Variants in CROCC2 observed in about 807,000 individuals in gnomAD.
CROCC2 encodes the protein ciliary rootlet coiled-coil protein 2.
CROCC2 carries 163 observed loss-of-function variants against 177.6 expected under a neutral mutation model. The ratio of observed to expected loss-of-function variants is 0.92; its 90% CI spans 0.81 to 1.05. The LOEUF is 1.05. CROCC2 is among the 50% of genes least tolerant of loss of function. CROCC2 has a pLI of 0.00. For missense variants in CROCC2, 1,929 were observed against 1,797.8 expected (o/e 1.07, Z -1.32); for synonymous variants, 904 against 787.3 (o/e 1.15, Z -2.48).
In CROCC2 at chr2:240,935,081, G is replaced by A; in HGVS notation, c.1938+19G>A. The A allele has an allele frequency of 1.5e-6, 2 of 1,333,686 alleles. No individual in the cohort carries two copies. The highest frequency in any genetic ancestry group is 1.9e-6 in the Non-Finnish European group (2 of 1,034,664). 82.6% of individuals were successfully genotyped at this position (1,333,686 alleles called of 1,614,324 possible). On this transcript the variant is annotated intron_variant, in intron 13 of 31. Transcript: ENST00000690015. ...TCTCCAGGTGAGACAAGGGCCAGTG[G>A]GGCGGGCCTCGCTGGAACCTGTTTC...
At position 240,968,178 on chromosome 2, in the gene CROCC2, C is replaced by A. The variant is rs2059696863; in HGVS notation, c.4317C>A (p.Ala1439=). The A allele has an allele frequency of 6.5e-7, 1 of 1,530,980 alleles. No individual in the cohort carries two copies. Among genetic ancestry groups the A allele is most frequent in the Non-Finnish European group, 8.7e-7 (1 of 1,143,642 alleles). 94.8% of individuals were successfully genotyped at this position (1,530,980 alleles called of 1,614,324 possible). The change falls in exon 27 of 32, where the codon GCC becomes GCA. Residue 1439 remains alanine (A), a synonymous_variant. Transcript: ENST00000690015. ...GALSSARAAR[A]LQKEALRRLE... The stretch of plus-strand genomic sequence containing the variant: ...TGAGCAGCGCCCGGGCAGCACGTGC[C>A]CTGCAGAAGGAGGCGCTCCGCAGGC...
In CROCC2 at chr2:240,988,881, C is replaced by A; in HGVS notation, c.4683+11C>A. 6.9e-7 allele frequency: 1 copy of A among 1,458,688 alleles called. No homozygotes were observed. The highest frequency in any genetic ancestry group is 2.7e-5 in the East Asian group (1 of 37,704). The allele number at this position is 1,458,688 out of a possible 1,614,324, so 90.4% of individuals were successfully genotyped here. A position where few individuals can be genotyped will look rare whatever the true frequency, so the allele number is the denominator to read the frequency against. On this transcript the variant is annotated intron_variant, in intron 29 of 31. Coordinates refer to ENST00000690015, the MANE Select transcript of CROCC2 (RefSeq NM_001351305.2). ...AATCAGCAGCTGCAGGTCAACTGGG[C>A]CAGTGGAGCTCTGCATACCCCAGGC...
chr2:240,971,786 G>T (rs2059722645), intron 27 of CROCC2, among the ~76,000 whole-genome samples: 1 of 151,920 alleles, frequency 6.6e-6, no homozygotes, highest in Non-Finnish European at 1.5e-5. Flanking sequence ...CTGATCCCCT[G>T]GACCTGTCCT....
chr2:240,984,239 C>T (rs1186938825), intron 28 of CROCC2, among the ~76,000 whole-genome samples: 1 of 152,130 alleles, frequency 6.6e-6, no homozygotes, highest in Non-Finnish European at 1.5e-5. Context: ...GGTGGGTGAT[C>T]CAGTGGTCCT....
chr2:240,934,595 G>C, intron 12 of CROCC2, 120 bp downstream of exon 12: 1 of 1,082,420 alleles, frequency 9.2e-7, no homozygotes, highest in East Asian at 2.8e-5. Context: ...CCCATCACCA[G>C]AGATCCCAAA....
chr2:240,993,069 C>T lies in CROCC2; in HGVS notation c.4950C>T (p.Ala1650=), dbSNP rs1015333862. 1.4e-6 allele frequency: 1 copy of T among 717,108 alleles called. No homozygotes were observed. Among genetic ancestry groups the T allele is most frequent in the Non-Finnish European group, 2.6e-6 (1 of 384,916 alleles). 44.4% of individuals were successfully genotyped at this position (717,108 alleles called of 1,614,324 possible). The change falls in exon 32 of 32, where the codon GCC becomes GCT. Residue 1650 remains alanine, a synonymous_variant. Coordinates refer to ENST00000690015, the MANE Select transcript of CROCC2 (RefSeq NM_001351305.2). The part of the protein sequence containing the change: ...HLGQAFQTGH[A]QRD ...CTCCCTCTTTGCATCCCTGCAGCGC[C>T]CAAAGGGACTGAAGCTCCCAGCACA...
intron 1 of CROCC2, among the ~76,000 whole-genome samples, chr2:240,915,508 T>A (rs2106451087): frequency 6.6e-6 from 1 of 152,298 alleles, no homozygotes; most frequent in Middle Eastern, 3.4e-3. Flanking sequence ...ATTTCACAGA[T>A]GGGGACATGA....
chr2:240,910,243 TG>T (rs1414895046), intron 1 of CROCC2, among the ~76,000 whole-genome samples: 1 of 151,674 alleles, frequency 6.6e-6, no homozygotes. Context: ...CCTTGAGGGG[TG>T]GGGGTGTGCC....
rs566464340 is a variant in CROCC2, at chr2:240,991,394, G to A, written c.4946+116G>A. On this transcript the variant is annotated intron_variant, in intron 31 of 31. Coordinates refer to ENST00000690015, the MANE Select transcript of CROCC2 (RefSeq NM_001351305.2). ...CTAGGCTGCTGGGGGAACCACTGTTGGGAAAACCAATGCCTTGTGCTCTGC... is the reference window on the plus strand; with the variant it reads ...CTAGGCTGCTGGGGGAACCACTGTTAGGAAAACCAATGCCTTGTGCTCTGC... 3,614 of 873,540 alleles carry A rather than the reference G, an allele frequency of 4.1e-3. 16 individuals are homozygous for A. Among genetic ancestry groups the A allele is most frequent in the Non-Finnish European group, 5.2e-3 (3,083 of 588,204 alleles). 54.1% of individuals were successfully genotyped at this position (873,540 alleles called of 1,614,324 possible).
intron 15 of CROCC2, among the ~76,000 whole-genome samples, chr2:240,947,303 G>A (rs1023986368): frequency 1.3e-5 from 2 of 152,338 alleles, no homozygotes; most frequent in Admixed American, 6.5e-5. Context: ...GGGCTCCAAG[G>A]ACCGGGGTGG....
In CROCC2 at chr2:240,935,539, C is replaced by T. The variant is rs761142473; in HGVS notation, c.2120C>T (p.Ala707Val). 67 of 1,347,604 alleles carry T rather than the reference C, an allele frequency of 5.0e-5. No individual in the cohort carries two copies. The South Asian group carries it at 1.2e-3, about 23-fold the overall frequency. The allele number at this position is 1,347,604 out of a possible 1,614,324, so 83.5% of individuals were successfully genotyped here. Reference protein sequence around the residue: ...EQRQEQLEGQAALLGREKAQL... With the variant: ...EQRQEQLEGQVALLGREKAQL... ...CGGCAGGAGCAGCTGGAGGGGCAGG[C>T]AGCCCTGCTGGGGCGAGAGAAGGCC... Residue 707 changes from alanine to valine, a missense_variant, in exon 14 of 32, where the codon GCA becomes GTA. Physicochemically the swap from Ala to Val is moderately conservative, Grantham distance 64. This residue lies in a region of CROCC2 where 1,397 missense variants were observed against 1,239.9 expected (regional missense o/e 1.13). Transcript: ENST00000690015.
chr2:240,932,963 C>G (rs1226948461), intron 9 of CROCC2, 55 bp downstream of exon 9: 1 of 1,530,738 alleles, frequency 6.5e-7, no homozygotes, highest in Admixed American at 2.0e-5. Context: ...GAAACATGAG[C>G]CCCTCAGGCT....
chr2:240,970,312 A>G (rs538930129), intron 27 of CROCC2, among the ~76,000 whole-genome samples: 3 of 152,248 alleles, frequency 2.0e-5, no homozygotes, highest in East Asian at 1.9e-4. Context: ...TTGTGGTTTC[A>G]GCCTTCATTT....
At chr2:240,961,296 CAG>C (rs1475701028) in intron 20 of CROCC2, among the ~76,000 whole-genome samples, 7 of 152,138 alleles carry the variant, frequency 4.6e-5, no homozygotes, top group African/African-American at 1.7e-4. Flanking sequence ...ACTTGACACT[CAG>C]AGTGGTGTGT....
In CROCC2 at chr2:240,960,070, A is replaced by C. The variant is rs940783853; in HGVS notation, c.3087+626A>C. Among the ~76,000 whole-genome samples the C allele has an allele frequency of 5.3e-5, 8 of 152,306 alleles. No homozygotes were observed. The highest frequency in any genetic ancestry group is 8.8e-5 in the Non-Finnish European group (6 of 68,028). On this transcript the variant is annotated intron_variant, in intron 20 of 31. Coordinates refer to ENST00000690015, the MANE Select transcript of CROCC2 (RefSeq NM_001351305.2). The surrounding 1 kb of genome is among the most constrained non-coding windows in gnomAD (Gnocchi z 5.0). ...AGAAAGTGGAGTCAGGAAGGGCCTG[A>C]CTCTGGAGGCACTGGGGCAGCTGTC...
chr2:240,913,624 G>T (rs967533477), intron 1 of CROCC2, among the ~76,000 whole-genome samples: 2 of 152,256 alleles, frequency 1.3e-5, no homozygotes, highest in Admixed American at 6.5e-5. Flanking sequence ...CCTGCCTGCA[G>T]GGGTGGCCTA....
chr2:240,969,646 T>A (rs1198285882), intron 27 of CROCC2, among the ~76,000 whole-genome samples: 2 of 152,258 alleles, frequency 1.3e-5, no homozygotes, highest in Non-Finnish European at 2.9e-5. Flanking sequence ...TTTCATTTTA[T>A]GTGTATAGTC....
intron 22 of CROCC2, among the ~76,000 whole-genome samples, chr2:240,965,047 C>T (rs2106479921): frequency 6.6e-6 from 1 of 152,330 alleles, no homozygotes; most frequent in South Asian, 2.1e-4. Flanking sequence ...CAAGGCCTGG[C>T]TCCCTCCTGT....
At position 240,993,257 on chromosome 2, in the gene CROCC2, A is replaced by G. The variant is rs1025240282; in HGVS notation, c.*176A>G. ...CTGGCTGCTCATGGGGAACATTTGA[A>G]ATGCATGTGGGGGCCTCCGAATTTT... On this transcript the variant is annotated 3_prime_UTR_variant, in exon 32 of 32. Coordinates refer to ENST00000690015, the MANE Select transcript of CROCC2 (RefSeq NM_001351305.2). 1.8e-6 allele frequency: 1 copy of G among 553,658 alleles called. No individual in the cohort carries two copies. Among genetic ancestry groups the G allele is most frequent in the Non-Finnish European group, 3.3e-6 (1 of 303,348 alleles). 34.3% of individuals were successfully genotyped at this position (553,658 alleles called of 1,614,324 possible).
Sources: gnomAD v4.1 joint callset for allele counts (sites outside exome capture counted in the v4.1 genomes callset) on GRCh38, gnomAD v4.1.1 for gene constraint, gnomAD v4.1.1 regional missense constraint, Gnocchi (gnomAD v3.1) non-coding constraint, MANE v1.5 for transcripts, NCBI Gene and HGNC (gene_info 2026-07-23, HGNC 2026-07-21) for gene names.